CNTN5: variants seen among roughly 807,000 people sequenced by gnomAD.
The protein encoded by CNTN5 is contactin-5.
In CNTN5, 77 loss-of-function variants were observed where a neutral mutation model predicts 129.1. That is an observed-to-expected ratio of 0.60 (90% CI 0.50 to 0.72). CNTN5 has a LOEUF of 0.72. CNTN5 is among the 30% of genes least tolerant of loss of function. CNTN5 has a pLI of 0.00. For missense variants in CNTN5, 1,478 were observed against 1,328.8 expected (o/e 1.11, Z -1.75); for synonymous variants, 509 against 465.6 (o/e 1.09, Z -1.20).
At chr11:99,729,895 TG>T (rs1232676633) in intron 3 of CNTN5, among the ~76,000 whole-genome samples, 4 of 151,930 alleles carry the variant, frequency 2.6e-5, no homozygotes, top group African/African-American at 9.7e-5. Flanking sequence ...TTGGGGCCTG[TG>T]GGGGTGGTGG....
At chr11:99,395,999 T>C (rs1201797903) in intron 2 of CNTN5, among the ~76,000 whole-genome samples, 3 of 151,952 alleles carry the variant, frequency 2.0e-5, no homozygotes, top group African/African-American at 7.2e-5. Flanking sequence ...TTTGTTCTTT[T>C]TGCTTAGGAT....
intron 6 of CNTN5, among the ~76,000 whole-genome samples, chr11:99,904,882 C>T (rs942990968): frequency 1.8e-4 from 27 of 152,146 alleles, no homozygotes; most frequent in African/African-American, 6.5e-4. Flanking sequence ...TTGCGTTTCT[C>T]TAATGACCAG....
rs186885725 is a variant in CNTN5 at position 99,913,135 on chromosome 11, C to T, written c.578-2919C>T. ...ACACTGAACCTGCACATACATCCAC[C>T]GAAGTATTTCAAAGTTCTCTGATTA... On this transcript the variant is annotated intron_variant, in intron 6 of 24. Transcript: ENST00000524871. 7.9e-5 allele frequency among the ~76,000 whole-genome samples: 12 copies of T among 152,036 alleles called. 1 individual carries two copies. The South Asian group carries it at 2.1e-3, about 26-fold the overall frequency.
chr11:99,451,307 A>G (rs1944292625), intron 2 of CNTN5, among the ~76,000 whole-genome samples: 2 of 152,174 alleles, frequency 1.3e-5, no homozygotes, highest in Non-Finnish European at 2.9e-5. Flanking sequence ...TGATGACCCC[A>G]TGTTACATTA....
rs913319933 is a variant in CNTN5, at chr11:100,039,766, A to G, written c.981-21446A>G. Among the ~76,000 whole-genome samples the G allele has an allele frequency of 2.0e-5, 3 of 152,236 alleles. No homozygotes were observed. The East Asian group carries it at 5.8e-4, about 29-fold the overall frequency. On this transcript the variant is annotated intron_variant, in intron 9 of 24. Transcript: ENST00000524871. Reference sequence around the variant, plus strand: ...TTTCTTCCAGTTGATGGCATTGGCTACTGAGGCTTCTGCATTCGTCACGTA... The same window carrying G: ...TTTCTTCCAGTTGATGGCATTGGCTGCTGAGGCTTCTGCATTCGTCACGTA...
intron 1 of CNTN5, among the ~76,000 whole-genome samples, chr11:99,037,566 TTTTTCTTTTC>T (rs1195938776): frequency 1.4e-5 from 2 of 144,756 alleles, no homozygotes; most frequent in Non-Finnish European, 3.0e-5. Context: ...TTTTCCTTCT[TTTTTCTTTTC>T]TTTTTTTTTT....
intron 3 of CNTN5, among the ~76,000 whole-genome samples, chr11:99,714,909 A>C (rs1955155900): frequency 6.6e-6 from 1 of 150,834 alleles, no homozygotes; most frequent in South Asian, 2.1e-4. Context: ...TGGTAATGTA[A>C]AGCACTATTG....
intron 3 of CNTN5, among the ~76,000 whole-genome samples, chr11:99,686,175 G>A (rs997833128): frequency 5.9e-5 from 9 of 151,738 alleles, no homozygotes; most frequent in Non-Finnish European, 1.0e-4. Context: ...TTGTTAACAT[G>A]GTTTTATACA....
intron 4 of CNTN5, among the ~76,000 whole-genome samples, chr11:99,841,409 A>C (rs574334238): frequency 1.3e-5 from 2 of 152,140 alleles, no homozygotes; most frequent in African/African-American, 4.8e-5. Flanking sequence ...CTTAAAATCA[A>C]CTGTCTTCTT....
chr11:99,619,748 C>A (rs116786086), intron 3 of CNTN5, among the ~76,000 whole-genome samples: 8 of 151,962 alleles, frequency 5.3e-5, no homozygotes, highest in African/African-American at 1.9e-4. Context: ...ACAAAGCTGT[C>A]GGGCGTGGTG....
intron 2 of CNTN5, among the ~76,000 whole-genome samples, chr11:99,406,399 G>C (rs1188525991): frequency 6.7e-6 from 1 of 150,048 alleles, no homozygotes; most frequent in Non-Finnish European, 1.5e-5. Flanking sequence ...CCCAAACAGA[G>C]TCTCTCTCTC....
intron 13 of CNTN5, among the ~76,000 whole-genome samples, chr11:100,154,072 A>G (rs1947153098): frequency 6.6e-6 from 1 of 152,060 alleles, no homozygotes; most frequent in African/African-American, 2.4e-5. Flanking sequence ...GTTTGTTAAC[A>G]TTAGGTATTT....
At chr11:100,107,377 C>T (rs1945479018) in intron 13 of CNTN5, among the ~76,000 whole-genome samples, 1 of 151,816 alleles carries the variant, frequency 6.6e-6, no homozygotes, top group Non-Finnish European at 1.5e-5. Context: ...GAAAAAATTT[C>T]ATGGTATAAA....
intron 3 of CNTN5, among the ~76,000 whole-genome samples, chr11:99,701,743 AT>A (rs896272905): frequency 2.6e-5 from 4 of 151,082 alleles, no homozygotes; most frequent in African/African-American, 9.7e-5. Context: ...TAAGAAAATA[AT>A]TTTTTAAAAC....
chr11:99,664,680 T>G (rs945623582), intron 3 of CNTN5, among the ~76,000 whole-genome samples: 1 of 152,320 alleles, frequency 6.6e-6, no homozygotes, highest in South Asian at 2.1e-4. Context: ...GGAACTATTA[T>G]GCTGATTACA....
chr11:99,403,243 G>GC (rs779852082), intron 2 of CNTN5, among the ~76,000 whole-genome samples: 8 of 152,172 alleles, frequency 5.3e-5, no homozygotes, highest in Admixed American at 4.6e-4. Context: ...CTCGTGATCT[G>GC]CCTGCCTCAA....
intron 10 of CNTN5, among the ~76,000 whole-genome samples, chr11:100,070,165 C>CAAA (rs3061793): frequency 0.011 from 1,253 of 109,210 alleles, 20 homozygotes; most frequent in African/African-American, 0.036. Flanking sequence ...ACTTAAAGTC[C>CAAA]AAAAAAAAAA....
chr11:99,952,305 T>G (rs1347860692), intron 7 of CNTN5, among the ~76,000 whole-genome samples: 1 of 152,204 alleles, frequency 6.6e-6, no homozygotes, highest in Non-Finnish European at 1.5e-5. Flanking sequence ...CTTACTAAGT[T>G]ATCCTATTTA....
chr11:100,018,924 G>A (rs1565792808), intron 9 of CNTN5, among the ~76,000 whole-genome samples: 1 of 151,904 alleles, frequency 6.6e-6, no homozygotes, highest in Non-Finnish European at 1.5e-5. Flanking sequence ...TATTGACTGT[G>A]TTATGTGCTT....
Sources: gnomAD v4.1 joint callset for allele counts (sites outside exome capture counted in the v4.1 genomes callset) on GRCh38, gnomAD v4.1.1 for gene constraint, MANE v1.5 for transcripts, NCBI Gene and HGNC (gene_info 2026-07-23, HGNC 2026-07-21) for gene names.